NUP160: variants seen among roughly 807,000 people sequenced by gnomAD.
NUP160 encodes the protein nucleoporin 160, also known as nuclear pore complex protein Nup160.
NUP160 carries 94 observed loss-of-function variants against 196.9 expected under a neutral mutation model. That is an observed-to-expected ratio of 0.48 (90% confidence interval 0.40 to 0.57). The LOEUF (loss-of-function observed/expected upper bound fraction) is 0.57. Ranked by LOEUF, NUP160 falls within the 20% of genes least tolerant of loss-of-function variation. The pLI is 0.00. For missense variants in NUP160, 1,638 were observed against 1,748.3 expected (o/e 0.94, Z 1.13); for synonymous variants, 605 against 619.7 (o/e 0.98, Z 0.35).
intron 18 of NUP160, among the ~76,000 whole-genome samples, chr11:47,807,995 T>C (rs1050875163): frequency 5.7e-4 from 87 of 152,120 alleles, no homozygotes; most frequent in African/African-American, 1.8e-3. Flanking sequence ...TTAAAAATCT[T>C]TTTCCCGGCT....
rs148068119 is a variant in NUP160, at chr11:47,815,994, A to C, written c.1467T>G (p.Leu489=). Reference sequence around the variant, plus strand: ...CTTCTTTCTTCAGTTCACTCCAGGAAAGATCCAAATTCCTCTCAGTTCCTC... The same window carrying C: ...CTTCTTTCTTCAGTTCACTCCAGGACAGATCCAAATTCCTCTCAGTTCCTC... Residue 489 remains leucine (L), a synonymous_variant, in exon 12 of 36, where the codon CTT becomes CTG. Coordinates refer to ENST00000378460, the Ensembl canonical transcript of NUP160. The C allele has an allele frequency of 1.6e-5, 26 of 1,613,910 alleles. No individual in the cohort carries two copies. In the African/African-American group the frequency reaches 3.3e-4, roughly 21 times the overall value.
chr11:47,833,883 T>C (rs1297434323), intron 7 of NUP160, among the ~76,000 whole-genome samples: 1 of 152,228 alleles, frequency 6.6e-6, no homozygotes, highest in Admixed American at 6.5e-5. Flanking sequence ...GAGACTCTAC[T>C]GGGAGGGGAC....
chr11:47,788,553 A>G (rs1232657283), exon 30 of NUP160: 10 of 1,614,110 alleles, frequency 6.2e-6, no homozygotes, highest in Middle Eastern at 3.3e-4. Flanking sequence ...GGCGGATGCG[A>G]GCCAAGGAAC....
chr11:47,826,167 CAAAA>C (rs982206419), intron 7 of NUP160, among the ~76,000 whole-genome samples: 6 of 151,904 alleles, frequency 3.9e-5, no homozygotes, highest in African/African-American at 1.5e-4. Flanking sequence ...AACAAACAAA[CAAAA>C]ACCCAACAGT....
chr11:47,795,885 C>T (rs1278895113), intron 27 of NUP160, among the ~76,000 whole-genome samples: 1 of 152,102 alleles, frequency 6.6e-6, no homozygotes, highest in African/African-American at 2.4e-5. Flanking sequence ...GGCGCAGTGG[C>T]TCACGGCTGT....
chr11:47,847,781 T>C (rs1852428588), intron 2 of NUP160, 67 bp downstream of exon 2: 18 of 1,042,306 alleles, frequency 1.7e-5, no homozygotes, highest in Non-Finnish European at 2.6e-5. Context: ...GCACTTTGGG[T>C]ACAGCGACGA....
intron 11 of NUP160, among the ~76,000 whole-genome samples, chr11:47,817,238 C>A (rs1454674901): frequency 6.6e-6 from 1 of 151,984 alleles, no homozygotes; most frequent in African/African-American, 2.4e-5. Flanking sequence ...CCCTCTTCAG[C>A]CTCCCAAAAT....
At chr11:47,788,235 G>A (rs770467610) in exon 31 of NUP160, 25 of 1,613,672 alleles carry the variant, frequency 1.5e-5, no homozygotes, top group Non-Finnish European at 1.9e-5. Context: ...AAGTCTGACA[G>A]AGTGATATGG....
exon 2 of NUP160, chr11:47,847,907 G>T: frequency 6.2e-7 from 1 of 1,614,124 alleles, no homozygotes; most frequent in Non-Finnish European, 8.5e-7. Flanking sequence ...CGTAGTAAAA[G>T]CCTCCCGCGC....
intron 7 of NUP160, among the ~76,000 whole-genome samples, chr11:47,825,454 C>CTT (rs776138457): frequency 0.17 from 20,962 of 122,640 alleles, 2,357 homozygotes; most frequent in East Asian, 0.28. Context: ...TAATTTTTGC[C>CTT]TTTTTTTTTT....
chr11:47,783,042 T>G (rs74990892), intron 34 of NUP160, 31 bp downstream of exon 34: 1 of 1,591,900 alleles, frequency 6.3e-7, no homozygotes, highest in Non-Finnish European at 8.6e-7. Context: ...GTCAAACCAT[T>G]GTAAATTGGG....
intron 29 of NUP160, among the ~76,000 whole-genome samples, chr11:47,791,563 A>G (rs1459273495): frequency 1.3e-5 from 2 of 152,016 alleles, no homozygotes; most frequent in Non-Finnish European, 2.9e-5. Flanking sequence ...CTGGTCTTGA[A>G]CACCTGACCT....
At chr11:47,815,210 TC>T (rs2097683675) in intron 13 of NUP160, 1 of 205,982 alleles carries the variant, frequency 4.9e-6, no homozygotes, top group Non-Finnish European at 9.5e-6. Context: ...AGAGCAAGAC[TC>T]CAACTCAAAA....
chr11:47,800,917 T>C (rs1222140854), intron 23 of NUP160, among the ~76,000 whole-genome samples: 2 of 152,214 alleles, frequency 1.3e-5, no homozygotes, highest in Non-Finnish European at 2.9e-5. Flanking sequence ...CAGAGGGCAC[T>C]ATCTGAGGAG....
chr11:47,829,479 GTATTTT>G (rs1852034007), intron 7 of NUP160, among the ~76,000 whole-genome samples: 1 of 152,008 alleles, frequency 6.6e-6, no homozygotes. Context: ...CTAATTTTTT[GTATTTT>G]TATTAGAGAT....
exon 36 of NUP160, chr11:47,778,577 A>G (rs1188911038): frequency 2.0e-5 from 3 of 152,678 alleles, no homozygotes; most frequent in African/African-American, 7.2e-5. Flanking sequence ...ATTATTTAAT[A>G]CTCAATTGAA....
intron 27 of NUP160, 101 bp downstream of exon 27, chr11:47,797,678 C>A: frequency 1.3e-6 from 1 of 773,634 alleles, no homozygotes; most frequent in Non-Finnish European, 2.2e-6. Context: ...TGTACTTAAA[C>A]ACATATTAAA....
rs1461575924 is a variant in NUP160, at chr11:47,812,866, C to A, written c.1952+16G>T. On this transcript the variant is annotated intron_variant, in intron 15 of 35. Transcript: ENST00000378460. The stretch of plus-strand genomic sequence containing the variant: ...AATTTCCATTAGGAAATGCACTTTA[C>A]CCTAATTCTCCTTACACATCAATAG... 2 of 1,592,172 alleles carry A rather than the reference C, an allele frequency of 1.3e-6. No homozygotes were observed. The highest frequency in any genetic ancestry group is 1.8e-5 in the Admixed American group (1 of 54,438).
At chr11:47,835,382 C>CGGG (rs1852153409) in intron 7 of NUP160, among the ~76,000 whole-genome samples, 1 of 152,188 alleles carries the variant, frequency 6.6e-6, no homozygotes, top group African/African-American at 2.4e-5. Context: ...TTCAGGAATT[C>CGGG]TGTTTTTTCA....
Sources: allele counts gnomAD v4.1 joint callset (sites outside exome capture counted in the v4.1 genomes callset), GRCh38; gene constraint gnomAD v4.1.1; transcripts MANE v1.5; gene names NCBI Gene and HGNC (gene_info 2026-07-23, HGNC 2026-07-21).